PCDHA2: variants seen among roughly 807,000 people sequenced by gnomAD.
PCDHA2 encodes the protein protocadherin alpha-2.
In PCDHA2, 58 loss-of-function variants were observed where a neutral mutation model predicts 66.0. That is an observed-to-expected ratio of 0.88 (90% CI 0.71 to 1.09). The LOEUF (loss-of-function observed/expected upper bound fraction) is 1.09. Among genes scored for constraint, PCDHA2 ranks in the 50% least tolerant of loss-of-function variants. PCDHA2 has a pLI of 0.00. For synonymous variants in PCDHA2, 634 were observed against 554.0 expected (o/e 1.14, Z -2.03); for missense variants, 1,267 against 1,242.3 (o/e 1.02, Z -0.30).
At chr5:140,808,717 G>A (rs1554124714) in intron 1 of PCDHA2, 2 of 1,612,114 alleles carry the variant, frequency 1.2e-6, no homozygotes, top group African/African-American at 1.3e-5. Context: ...ACGTTTCGGT[G>A]CATGCGGAGA....
At chr5:140,927,652 C>T (rs868980158) in intron 1 of PCDHA2, 28 of 1,614,054 alleles carry the variant, frequency 1.7e-5, no homozygotes, top group African/African-American at 9.3e-5. Flanking sequence ...TGTGTTATTC[C>T]GAGTTCAAGC....
intron 1 of PCDHA2, chr5:140,803,436 A>AGC: frequency 6.2e-7 from 1 of 1,614,048 alleles, no homozygotes; most frequent in Non-Finnish European, 8.5e-7. Context: ...CGCGGTGGGG[A>AGC]GCTGGTCATA....
In PCDHA2 at chr5:140,980,214, C is replaced by T. The variant is rs2096880494; in HGVS notation, c.2447+1207C>T. 2.0e-5 allele frequency among the ~76,000 whole-genome samples: 3 copies of T among 152,212 alleles called. No homozygotes were observed. The South Asian group carries it at 6.2e-4, about 31-fold the overall frequency. The stretch of plus-strand genomic sequence containing the variant: ...ATTAGAGACCAACTTGTGCTTTTGC[C>T]TGCATCTGAGCTGTTGGTGGAGACA... On this transcript the variant is annotated intron_variant, in intron 2 of 3. Transcript: ENST00000526136.
At chr5:140,833,100 T>C (rs1432109647) in intron 1 of PCDHA2, among the ~76,000 whole-genome samples, 1 of 152,166 alleles carries the variant, frequency 6.6e-6, no homozygotes, top group Non-Finnish European at 1.5e-5. Context: ...ACGAGTAATT[T>C]TGACACTCTT....
chr5:140,863,237 C>A (rs782024401), intron 1 of PCDHA2: 6 of 1,306,974 alleles, frequency 4.6e-6, no homozygotes, highest in Non-Finnish European at 5.3e-6. Context: ...CCATCGCGGG[C>A]TTTGGCGGGC....
At chr5:140,923,753 T>C (rs1554201575) in intron 1 of PCDHA2, among the ~76,000 whole-genome samples, 1 of 152,174 alleles carries the variant, frequency 6.6e-6, no homozygotes. Flanking sequence ...AGGCATATGG[T>C]GGGACAAATC....
At chr5:140,860,253 G>C (rs1278193259) in intron 1 of PCDHA2, 1 of 151,492 alleles carries the variant, frequency 6.6e-6, no homozygotes, top group Non-Finnish European at 1.5e-5. Flanking sequence ...CATGCCTTTA[G>C]TCCCTACTGT....
rs140423301 is a variant in PCDHA2 at position 140,995,612 on chromosome 5, C to T, written c.2536+13049C>T. Among the ~76,000 whole-genome samples, 11 of 152,156 alleles carry T rather than the reference C, an allele frequency of 7.2e-5. No individual in the cohort carries two copies. In the East Asian group the frequency reaches 2.1e-3, roughly 29 times the overall value. On this transcript the variant is annotated intron_variant, in intron 3 of 3. Transcript: ENST00000526136. ...AACTTAGTGTTTTTCTTCTCCCAAA[C>T]CAAATATTGGAAACTTTGGAGTGTT... is the stretch of plus-strand genomic sequence containing the variant.
intron 1 of PCDHA2, chr5:140,857,003 G>C: frequency 6.3e-7 from 1 of 1,595,436 alleles, no homozygotes; most frequent in Non-Finnish European, 8.6e-7. Context: ...TGAAATTCAT[G>C]TAGATGTTAC....
rs2042053771 is a variant in PCDHA2, at chr5:140,851,409, G to T, written c.2388+54057G>T. The T allele has an allele frequency of 1.7e-5, 16 of 964,844 alleles. 3 individuals are homozygous for T. Among genetic ancestry groups the T allele is most frequent in the Non-Finnish European group, 1.6e-5 (13 of 797,918 alleles). The allele number at this position is 964,844 out of a possible 1,614,324, so 59.8% of individuals were successfully genotyped here. On this transcript the variant is annotated intron_variant, in intron 1 of 3. Transcript: ENST00000526136. ...CAGTATCTATTATTTTAATAAGAAA[G>T]AAACTTCCCCTAAACTTTAGAAAAC...
At chr5:140,871,523 G>T in intron 1 of PCDHA2, 1 of 1,546,536 alleles carries the variant, frequency 6.5e-7, no homozygotes, top group Non-Finnish European at 8.7e-7. Context: ...CCACCTATCA[G>T]GAAGTGTATG....
intron 1 of PCDHA2, chr5:140,823,596 G>T (rs2150127281): frequency 6.2e-7 from 1 of 1,614,020 alleles, no homozygotes; most frequent in Non-Finnish European, 8.5e-7. Flanking sequence ...CTTGGCTTTC[G>T]TATGAGCTGC....
chr5:140,809,628 C>T, intron 1 of PCDHA2: 2 of 1,506,716 alleles, frequency 1.3e-6, no homozygotes, highest in Non-Finnish European at 1.8e-6. Flanking sequence ...CTATCAACTT[C>T]TTCGTAAATT....
chr5:140,859,256 G>C lies in PCDHA2; in HGVS notation c.2388+61904G>C, dbSNP rs182882850. On this transcript the variant is annotated intron_variant, in intron 1 of 3. Transcript: ENST00000526136. Reference sequence around the variant, plus strand: ...TCATGCTTATGTTTAATAATGAAGAGAATTTGAACACTTTTTACTTTTGAG... The same window carrying C: ...TCATGCTTATGTTTAATAATGAAGACAATTTGAACACTTTTTACTTTTGAG... 3 of 131,348 alleles carry C rather than the reference G, an allele frequency of 2.3e-5. 1 individual carries two copies. The highest frequency in any genetic ancestry group is 5.3e-5 in the Non-Finnish European group (3 of 56,988). The allele number at this position is 131,348 out of a possible 1,614,324, so 8.1% of individuals were successfully genotyped here.
At chr5:140,808,295 G>A (rs1286163937) in intron 1 of PCDHA2, 7 of 1,614,130 alleles carry the variant, frequency 4.3e-6, no homozygotes, top group African/African-American at 1.3e-5. Context: ...TACAGTCATC[G>A]CCCTGATCAG....
At chr5:140,828,862 C>T (rs2150159832) in intron 1 of PCDHA2, 2 of 1,614,178 alleles carry the variant, frequency 1.2e-6, no homozygotes, top group Non-Finnish European at 1.7e-6. Context: ...ATGCAGACAA[C>T]GGAACAACAG....
In PCDHA2 at chr5:140,828,050, G is replaced by C. The variant is rs2150150336; in HGVS notation, c.2388+30698G>C. 3 of 1,545,376 alleles carry C rather than the reference G, an allele frequency of 1.9e-6. No homozygotes were observed. In the Admixed American group the frequency reaches 6.2e-5, roughly 32 times the overall value. ...GGAACATACAGTATTTTATCTTTAT[G>C]CGGAAGATCTTCTAATGGAAATAAA... On this transcript the variant is annotated intron_variant, in intron 1 of 3. Coordinates refer to ENST00000526136, the MANE Select transcript of PCDHA2 (RefSeq NM_018905.3).
chr5:140,936,326 A>G (rs2090913771), intron 1 of PCDHA2, among the ~76,000 whole-genome samples: 1 of 152,138 alleles, frequency 6.6e-6, no homozygotes, highest in South Asian at 2.1e-4. Flanking sequence ...CATGCTATAA[A>G]TTTTCTCTAT....
chr5:140,843,091 G>A (rs1554139733), intron 1 of PCDHA2: 3 of 1,595,616 alleles, frequency 1.9e-6, no homozygotes, highest in Non-Finnish European at 2.6e-6. Flanking sequence ...CGGGCCACGT[G>A]GTAGCGAAGG....
Sources: allele counts gnomAD v4.1 joint callset (sites outside exome capture counted in the v4.1 genomes callset), GRCh38; gene constraint gnomAD v4.1.1; transcripts MANE v1.5; gene names NCBI Gene and HGNC (gene_info 2026-07-23, HGNC 2026-07-21).